The following HPS4 variants were observed in gnomAD, a reference collection of about 807,000 sequenced individuals.
HPS4 encodes the protein BLOC-3 complex member HPS4.
In HPS4, 44 loss-of-function variants were observed where a neutral mutation model predicts 70.3. That is an observed-to-expected ratio of 0.63 (90% confidence interval 0.49 to 0.80). HPS4 has a LOEUF of 0.80. Ranked by LOEUF, HPS4 falls within the 30% of genes least tolerant of loss-of-function variation. The pLI is 0.00. For synonymous variants in HPS4, 377 were observed against 355.9 expected, an observed-to-expected ratio of 1.06 and a Z score of -0.67; for missense variants, 873 against 884.4, an observed-to-expected ratio of 0.99 and a Z score of 0.16.
intron 4 of HPS4, among the ~76,000 whole-genome samples, chr22:26,473,436 A>G (rs1447645216): frequency 6.6e-6 from 1 of 152,198 alleles, no homozygotes; most frequent in African/African-American, 2.4e-5. Flanking sequence ...CCAGTCCTAG[A>G]TCTCCAAAAT....
intron 11 of HPS4, among the ~76,000 whole-genome samples, chr22:26,463,549 C>G (rs2087762315): frequency 6.6e-6 from 1 of 152,204 alleles, no homozygotes; most frequent in Non-Finnish European, 1.5e-5. Flanking sequence ...TTAGCCAAGG[C>G]TCAAGGGGAC....
chr22:26,477,361 C>T (rs543965078), intron 3 of HPS4, among the ~76,000 whole-genome samples: 1 of 152,190 alleles, frequency 6.6e-6, no homozygotes, highest in Admixed American at 6.5e-5. Context: ...ACTTTCTGGC[C>T]CTTTACAAAG....
At chr22:26,481,055 C>T (rs1013347711) in intron 2 of HPS4, among the ~76,000 whole-genome samples, 1 of 152,158 alleles carries the variant, frequency 6.6e-6, no homozygotes, top group African/African-American at 2.4e-5. Flanking sequence ...TCAAAGCCAA[C>T]TCAGAAACTC....
At chr22:26,462,417 T>C (rs897506418) in intron 11 of HPS4, among the ~76,000 whole-genome samples, 4 of 152,176 alleles carry the variant, frequency 2.6e-5, no homozygotes, top group Admixed American at 2.6e-4. Flanking sequence ...AAGCAAGAAT[T>C]CTGGACCTGC....
At chr22:26,461,893 G>A (rs1393158072) in intron 11 of HPS4, among the ~76,000 whole-genome samples, 1 of 152,136 alleles carries the variant, frequency 6.6e-6, no homozygotes, top group African/African-American at 2.4e-5. Context: ...TTGGGAGGCC[G>A]AGGCGGGCAG....
chr22:26,472,150 G>C (rs1189719673), intron 6 of HPS4, 152 bp downstream of exon 6: 2 of 695,576 alleles, frequency 2.9e-6, no homozygotes, highest in African/African-American at 1.8e-5. Flanking sequence ...TAAGGGAAAT[G>C]AGGCTGAGAG....
chr22:26,453,609 A>G, intron 13 of HPS4: 1 of 628,246 alleles, frequency 1.6e-6, no homozygotes, highest in Non-Finnish European at 2.9e-6. Flanking sequence ...AGCTCACTAG[A>G]TGCTGGAAGA....
At chr22:26,450,249 A>G (rs1382689289), downstream of HPS4, among the ~76,000 whole-genome samples, 2 of 152,166 alleles carry the variant, frequency 1.3e-5, no homozygotes. Flanking sequence ...CACTGCACAC[A>G]CAGGGAAGTG....
intron 4 of HPS4, 112 bp downstream of exon 4, chr22:26,476,881 C>A: frequency 8.8e-7 from 1 of 1,142,508 alleles, no homozygotes; most frequent in Non-Finnish European, 1.3e-6. Context: ...AAACACAGTA[C>A]ATGGATGAGG....
chr22:26,463,121 T>C (rs1356976577), intron 11 of HPS4, among the ~76,000 whole-genome samples: 1 of 152,200 alleles, frequency 6.6e-6, no homozygotes, highest in East Asian at 1.9e-4. Context: ...TGCTACCACT[T>C]TCCCTGCCTA....
chr22:26,462,039 C>T (rs747133933), intron 11 of HPS4, among the ~76,000 whole-genome samples: 2 of 151,622 alleles, frequency 1.3e-5, no homozygotes, highest in Non-Finnish European at 2.9e-5. Flanking sequence ...GGTAGGAGAA[C>T]CGCTTGAACC....
chr22:26,448,108 T>C (rs2085016619), downstream of HPS4, among the ~76,000 whole-genome samples: 1 of 152,198 alleles, frequency 6.6e-6, no homozygotes, highest in African/African-American at 2.4e-5. Flanking sequence ...CAGCGCATCT[T>C]CTGAAGTCTG....
downstream of HPS4, among the ~76,000 whole-genome samples, chr22:26,448,813 C>G (rs1234744946): frequency 6.6e-6 from 1 of 152,190 alleles, no homozygotes; most frequent in African/African-American, 2.4e-5. Context: ...TCAAACTCAA[C>G]AAATATGTTG....
intron 2 of HPS4, 103 bp downstream of exon 2, chr22:26,481,619 T>C (rs1272102772): frequency 6.4e-6 from 7 of 1,089,708 alleles, no homozygotes; most frequent in Non-Finnish European, 9.9e-6. Context: ...TTTATTGTTA[T>C]GTTAATAAAA....
rs140234219 is a variant in HPS4 at position 26,463,930 on chromosome 22, G to A, written c.1700C>T (p.Ala567Val). Residue 567 changes from alanine (A) to valine (V), a missense_variant, in exon 11 of 14, where the codon GCC becomes GTC. By Grantham distance (64) the Ala-to-Val change is moderately conservative (BLOSUM62 0). Coordinates refer to ENST00000398145, the MANE Select transcript of HPS4 (RefSeq NM_022081.6). ...GAGGACACTCACCACTTCCTCTATG[G>A]CTGCGCTGTCTCCCAGCAGCGGCTC... ...AEEPLLGDSA[A>V]IEEVYHSSLA... 603 of 1,613,468 alleles carry A rather than the reference G, an allele frequency of 3.7e-4. 1 individual carries two copies. In the African/African-American group the frequency reaches 4.9e-3, roughly 13 times the overall value.
In HPS4 at chr22:26,464,649, G is replaced by A; in HGVS notation, c.981C>T (p.Cys327=). ...TGCTCTCCAGATCATGGCCAGACAA[G>A]CATCCGTTCTCCTTCCTGCCATCTG... ...ACPDGRKENG[C]LSGHDLESIR... is the part of the protein sequence containing the mutation. Residue 327 remains cysteine, a synonymous_variant, in exon 11 of 14, where the codon TGC becomes TGT. Transcript: ENST00000398145. The A allele has an allele frequency of 6.2e-7, 1 of 1,613,194 alleles. No individual in the cohort carries two copies. Among genetic ancestry groups the A allele is most frequent in the Non-Finnish European group, 8.5e-7 (1 of 1,179,136 alleles).
At chr22:26,482,943 T>A (rs559947860) in intron 1 of HPS4, 1 of 152,350 alleles carries the variant, frequency 6.6e-6, no homozygotes, top group East Asian at 1.9e-4. Context: ...AAAACTATTG[T>A]CTAATTCTTA....
Position 26,464,017 on chromosome 22 carries a change from A to T in HPS4, c.1613T>A (p.Leu538His), listed in dbSNP as rs1232480477. 6.2e-7 allele frequency: 1 copy of T among 1,614,236 alleles called. No individual in the cohort carries two copies. Among genetic ancestry groups the T allele is most frequent in the East Asian group, 2.2e-5 (1 of 44,888 alleles). ...RLTPAESCMG[L>H]VRMNLYTHCV... ...GTGAGTGTAGAGATTCATCCTCACG[A>T]GCCCCATGCAGGACTCTGCTGGTGT... Residue 538 changes from leucine (L) to histidine (H), a missense_variant, in exon 11 of 14, where the codon CTC (leucine) becomes CAC (histidine). Leu to His is a moderately conservative substitution (Grantham distance 99, BLOSUM62 -3). Coordinates refer to ENST00000398145, the MANE Select transcript of HPS4 (RefSeq NM_022081.6).
chr22:26,467,197 G>T (rs1389817394), intron 8 of HPS4: 2 of 152,198 alleles, frequency 1.3e-5, no homozygotes, highest in African/African-American at 4.8e-5. Flanking sequence ...AGGTTTAAGT[G>T]ATATGAGTAA....
Sources: gnomAD v4.1 joint callset for allele counts (sites outside exome capture counted in the v4.1 genomes callset) on GRCh38, gnomAD v4.1.1 for gene constraint, MANE v1.5 for transcripts, NCBI Gene and HGNC (gene_info 2026-07-23, HGNC 2026-07-21) for gene names.